The following DAB1 variants were observed in gnomAD, a reference collection of about 807,000 sequenced individuals.
The protein encoded by DAB1 is disabled homolog 1.
In DAB1, 15 loss-of-function variants were observed where a neutral mutation model predicts 64.6. The ratio of observed to expected loss-of-function variants is 0.23; its 90% CI spans 0.16 to 0.36. The LOEUF (loss-of-function observed/expected upper bound fraction) is 0.36. Ranked by LOEUF, DAB1 falls within the 10% of genes least tolerant of loss-of-function variation. The probability of loss-of-function intolerance (pLI) is 1.00; values close to 1 mark genes in which losing one functional copy is unlikely to be tolerated. For synonymous variants in DAB1, 235 were observed against 251.9 expected, an observed-to-expected ratio of 0.93 and a Z score of 0.64; for missense variants, 596 against 706.7, an observed-to-expected ratio of 0.84 and a Z score of 1.78.
intron 2 of DAB1, among the ~76,000 whole-genome samples, chr1:57,260,536 T>C (rs1670102244): frequency 6.6e-6 from 1 of 152,190 alleles, no homozygotes; most frequent in African/African-American, 2.4e-5. Context: ...GCCTGGTACC[T>C]TAACCCCTGA....
chr1:57,224,145 T>C (rs1456184394), intron 2 of DAB1, among the ~76,000 whole-genome samples: 1 of 152,170 alleles, frequency 6.6e-6, no homozygotes, highest in Non-Finnish European at 1.5e-5. Context: ...ACAGGCTTAT[T>C]CTCAGTGCCT....
At chr1:57,477,361 T>A (rs954924152) in intron 7 of DAB1, among the ~76,000 whole-genome samples, 4 of 152,172 alleles carry the variant, frequency 2.6e-5, no homozygotes, top group African/African-American at 9.7e-5. Context: ...TTCTATTCTA[T>A]CCTATCCCAC....
In DAB1 at chr1:58,245,434, C is replaced by T. The variant is rs1557711944; in HGVS notation, n.310-94846G>A. ...TTTTTCATCTGCAAAAGGACAAGGA[C>T]ACCTAATTGGAAGGGCAACTGTTAA... On this transcript the variant is annotated intron_variant and non_coding_transcript_variant, in intron 4 of 20. Transcript: ENST00000485760. Among the ~76,000 whole-genome samples, 3 of 152,152 alleles carry T rather than the reference C, an allele frequency of 2.0e-5. No homozygotes were observed. The South Asian group carries it at 6.2e-4, about 31-fold the overall frequency.
chr1:58,381,104 T>C (rs1347704191), intron 3 of DAB1, among the ~76,000 whole-genome samples: 2 of 152,034 alleles, frequency 1.3e-5, no homozygotes, highest in African/African-American at 2.4e-5. Flanking sequence ...TCAGAGCACA[T>C]GCACACATGG....
intron 5 of DAB1, among the ~76,000 whole-genome samples, chr1:57,978,474 C>G (rs1206147687): frequency 3.9e-5 from 6 of 152,148 alleles, no homozygotes; most frequent in Non-Finnish European, 7.4e-5. Context: ...TAGAAGAAAA[C>G]CTGGGCAATA....
intron 7 of DAB1, among the ~76,000 whole-genome samples, chr1:57,601,074 C>T (rs1389787886): frequency 4.0e-5 from 6 of 151,834 alleles, no homozygotes; most frequent in Admixed American, 3.9e-4. Context: ...CTCAATTTTT[C>T]AATTTGCCGA....
chr1:57,141,426 T>G (rs116065306), intron 3 of DAB1, among the ~76,000 whole-genome samples: 1,935 of 152,280 alleles, frequency 0.013, 32 homozygotes, highest in African/African-American at 0.044. Context: ...CTATATTTTG[T>G]GTGGTGAGAA....
At chr1:57,739,698 C>T (rs989487120) in intron 6 of DAB1, among the ~76,000 whole-genome samples, 2 of 150,936 alleles carry the variant, frequency 1.3e-5, no homozygotes, top group African/African-American at 4.9e-5. Flanking sequence ...AACAATCTGC[C>T]TGCCTCGGCC....
intron 2 of DAB1, among the ~76,000 whole-genome samples, chr1:57,198,557 G>C (rs1234699174): frequency 1.3e-5 from 2 of 150,830 alleles, no homozygotes; most frequent in African/African-American, 4.9e-5. Context: ...CTTTGCATTT[G>C]CTGTTCTCTC....
intron 4 of DAB1, among the ~76,000 whole-genome samples, chr1:57,094,988 T>G (rs1570681025): frequency 6.6e-6 from 1 of 152,184 alleles, no homozygotes; most frequent in East Asian, 1.9e-4. Flanking sequence ...TTGACTTTGC[T>G]CACTTTCAAC....
intron 6 of DAB1, among the ~76,000 whole-genome samples, chr1:57,687,599 C>CAAAAAAAAAAAA (rs57316234): frequency 4.4e-4 from 36 of 82,442 alleles, no homozygotes; most frequent in African/African-American, 1.0e-3. Flanking sequence ...TCTTAAGAAA[C>CAAAAAAAAAAAA]AAAAAAAAAA....
At chr1:57,019,897 G>A (rs1646558118) in intron 11 of DAB1, among the ~76,000 whole-genome samples, 1 of 152,130 alleles carries the variant, frequency 6.6e-6, no homozygotes, top group Non-Finnish European at 1.5e-5. Context: ...ACCTGGGGAT[G>A]CCCCCATTAT....
intron 7 of DAB1, among the ~76,000 whole-genome samples, chr1:57,503,584 C>G (rs1378585978): frequency 1.3e-5 from 2 of 152,226 alleles, no homozygotes; most frequent in South Asian, 2.1e-4. Context: ...GACACATACT[C>G]TAAGACTTAG....
At chr1:57,142,236 G>C (rs1165617611) in intron 3 of DAB1, among the ~76,000 whole-genome samples, 1 of 152,118 alleles carries the variant, frequency 6.6e-6, no homozygotes, top group Non-Finnish European at 1.5e-5. Context: ...ACACGCACCA[G>C]CTTCAGAGAG....
intron 8 of DAB1, among the ~76,000 whole-genome samples, chr1:57,067,710 C>T (rs1032203612): frequency 9.9e-5 from 15 of 152,058 alleles, no homozygotes; most frequent in African/African-American, 3.1e-4. Context: ...ATTTTACTTG[C>T]TCATTTTACA....
At chr1:57,025,897 C>T (rs1646769549) in intron 10 of DAB1, 84 bp downstream of exon 10, 2 of 1,143,672 alleles carry the variant, frequency 1.7e-6, no homozygotes, top group Non-Finnish European at 2.5e-6. Context: ...CCCTCTTTCA[C>T]TCAAAGCCCA....
chr1:58,056,831 C>A (rs1468528488), intron 5 of DAB1, among the ~76,000 whole-genome samples: 1 of 152,062 alleles, frequency 6.6e-6, no homozygotes, highest in East Asian at 1.9e-4. Context: ...CCTTTCTCAA[C>A]CAAAAGTCAC....
At chr1:57,445,979 C>T (rs989033250) in intron 7 of DAB1, among the ~76,000 whole-genome samples, 4 of 152,118 alleles carry the variant, frequency 2.6e-5, no homozygotes, top group Non-Finnish European at 5.9e-5. Flanking sequence ...CTTCTTCTTT[C>T]TCTGTGTGGG....
At chr1:58,022,939 G>C (rs1285295587) in intron 5 of DAB1, among the ~76,000 whole-genome samples, 1 of 152,012 alleles carries the variant, frequency 6.6e-6, no homozygotes, top group African/African-American at 2.4e-5. Context: ...GAATCCCTAA[G>C]AGCACTGAAC....
Sources: allele counts gnomAD v4.1 joint callset (sites outside exome capture counted in the v4.1 genomes callset), GRCh38; gene constraint gnomAD v4.1.1; transcripts MANE v1.5; gene names NCBI Gene and HGNC (gene_info 2026-07-23, HGNC 2026-07-21).